PALS1: variants seen among roughly 807,000 people sequenced by gnomAD.
PALS1 encodes the protein protein PALS1.
Under a neutral mutation model 78.9 loss-of-function variants are expected in PALS1, and 31 were observed. The ratio of observed to expected loss-of-function variants is 0.39; its 90% CI spans 0.30 to 0.53. The LOEUF (loss-of-function observed/expected upper bound fraction) is 0.53. Ranked by LOEUF, PALS1 falls within the 20% of genes least tolerant of loss-of-function variation. The pLI, the probability that PALS1 is intolerant of heterozygous loss-of-function variation, is 0.67. For synonymous variants in PALS1, 276 were observed against 270.9 expected, an observed-to-expected ratio of 1.02 and a Z score of -0.18; for missense variants, 704 against 826.5, an observed-to-expected ratio of 0.85 and a Z score of 1.82.
In PALS1 at chr14:67,302,267, A is replaced by G. The variant is rs146119325; in HGVS notation, c.802-143A>G. The stretch of plus-strand genomic sequence containing the variant: ...TGGTCAACTTTTAAATCTAATTACA[A>G]TTACTCTAGTTGTGTAAATAAATTT... On this transcript the variant is annotated intron_variant, in intron 6 of 14. Coordinates refer to ENST00000261681, the MANE Select transcript of PALS1 (RefSeq NM_022474.4). The G allele has an allele frequency of 2.6e-3, 2,836 of 1,085,184 alleles. 25 individuals carry two copies. The highest frequency in any genetic ancestry group is 0.018 in the African/African-American group (1,107 of 60,440). The allele number at this position is 1,085,184 out of a possible 1,614,324, so 67.2% of individuals were successfully genotyped here. A position where few individuals can be genotyped will look rare whatever the true frequency, so the allele number is the denominator to read the frequency against.
intron 13 of PALS1, among the ~76,000 whole-genome samples, chr14:67,321,694 A>G (rs543080770): frequency 1.7e-4 from 26 of 152,144 alleles, no homozygotes; most frequent in Non-Finnish European, 3.4e-4. Context: ...TATTTTGACT[A>G]TGACCCGTCA....
chr14:67,298,825 A>G lies in PALS1; in HGVS notation c.577-2564A>G, dbSNP rs149280790. Among the ~76,000 whole-genome samples the G allele has an allele frequency of 1.2e-4, 19 of 152,300 alleles. No homozygotes were observed. In the East Asian group the frequency reaches 2.1e-3, roughly 17 times the overall value. On this transcript the variant is annotated intron_variant, in intron 4 of 14. Transcript: ENST00000261681. The stretch of plus-strand genomic sequence containing the variant: ...TCTCCCACGGCCCTTTGCGATGACA[A>G]TCACCTCTTTCAATCCTCAGGCCCT...
At position 67,301,438 on chromosome 14, in the gene PALS1, C is replaced by T; in HGVS notation, c.626C>T (p.Thr209Ile). ...PVHHKEGQEL[T>I]ALLNTPHIQA... ...CATCATAAGGAAGGACAAGAACTAA[C>T]TGCTTTGCTGAATACTCCACATATT... The change falls in exon 5 of 15, where the codon ACT (threonine) becomes ATT (isoleucine). Residue 209 changes from threonine to isoleucine, a missense_variant. Thr to Ile is a moderately conservative substitution (Grantham distance 89, BLOSUM62 -1). Coordinates refer to ENST00000261681, the MANE Select transcript of PALS1 (RefSeq NM_022474.4). 1 of 1,610,442 alleles carries T rather than the reference C, an allele frequency of 6.2e-7. No homozygotes were observed.
intron 14 of PALS1, among the ~76,000 whole-genome samples, chr14:67,327,654 A>G (rs61544470): frequency 0.064 from 9,686 of 150,834 alleles, 592 homozygotes; most frequent in African/African-American, 0.16. Context: ...CCCACCCCAC[A>G]ACAGGCCCCA....
chr14:67,253,786 A>G (rs1396660220), intron 1 of PALS1, among the ~76,000 whole-genome samples: 1 of 151,608 alleles, frequency 6.6e-6, no homozygotes, highest in Non-Finnish European at 1.5e-5. Context: ...GGCTGTGGTG[A>G]GCCATGTTTG....
Position 67,302,474 on chromosome 14 carries a change from C to G in PALS1, c.866C>G (p.Ala289Gly). The G allele has an allele frequency of 6.3e-7, 1 of 1,599,234 alleles. No homozygotes were observed. Among genetic ancestry groups the G allele is most frequent in the Non-Finnish European group, 8.5e-7 (1 of 1,172,698 alleles). The change falls in exon 7 of 15, where the codon GCA (alanine) becomes GGA (glycine). Residue 289 changes from alanine to glycine, a missense_variant. Transcript: ENST00000261681. ...AGCCGGATAGTAAAAGGGGGTGCTG[C>G]AGAGAAAAGTGGTCTGTTGCATGAA... Reference protein sequence around the residue: ...IISRIVKGGAAEKSGLLHEGD... With the variant: ...IISRIVKGGAGEKSGLLHEGD...
At chr14:67,242,158 G>T (rs531335368) in intron 1 of PALS1, among the ~76,000 whole-genome samples, 13 of 152,170 alleles carry the variant, frequency 8.5e-5, no homozygotes, top group Non-Finnish European at 1.6e-4. Context: ...TGCTTTAAAC[G>T]ATCTTTGTAG....
chr14:67,317,282 TG>T, intron 10 of PALS1, 125 bp from the exon 11 acceptor site: 1 of 764,386 alleles, frequency 1.3e-6, no homozygotes, highest in Non-Finnish European at 2.1e-6. Flanking sequence ...GGCCAACATA[TG>T]GAGATCTCGT....
At chr14:67,245,485 T>G (rs558979093) in intron 1 of PALS1, among the ~76,000 whole-genome samples, 33 of 152,176 alleles carry the variant, frequency 2.2e-4, no homozygotes, top group Non-Finnish European at 4.6e-4. Flanking sequence ...TGGATTATTG[T>G]CTTATTGCTG....
chr14:67,328,566 G>A (rs1167725362), intron 14 of PALS1, among the ~76,000 whole-genome samples: 1 of 152,272 alleles, frequency 6.6e-6, no homozygotes, highest in Admixed American at 6.5e-5. Flanking sequence ...CCTATGTCCT[G>A]AATGGTATTG....
intron 8 of PALS1, among the ~76,000 whole-genome samples, chr14:67,306,430 T>C (rs2085005301): frequency 6.6e-6 from 1 of 152,098 alleles, no homozygotes; most frequent in Non-Finnish European, 1.5e-5. Flanking sequence ...CTGTAACCTC[T>C]GCCTCCTGTG....
At chr14:67,266,814 A>C (rs1005858358) in intron 1 of PALS1, among the ~76,000 whole-genome samples, 4 of 152,152 alleles carry the variant, frequency 2.6e-5, no homozygotes, top group Admixed American at 6.6e-5. Flanking sequence ...TCTTTTAAAA[A>C]AACTTCGTTT....
intron 3 of PALS1, 148 bp downstream of exon 3, chr14:67,279,685 C>T (rs765692610): frequency 5.8e-5 from 41 of 701,858 alleles, no homozygotes; most frequent in Middle Eastern, 4.2e-4. Flanking sequence ...GTGGAAACGC[C>T]GTATAACTAT....
rs540146376 is a variant in PALS1, at chr14:67,246,901, C to T, written c.-237+5368C>T. Among the ~76,000 whole-genome samples the T allele has an allele frequency of 3.6e-3, 554 of 152,244 alleles. 2 individuals carry two copies. The highest frequency in any genetic ancestry group is 0.02 in the Middle Eastern group (6 of 294). ...TCCTGACCTCGTGATCTGCCTGCCC[C>T]GGCTTCCCAAAGTGCTGGGATTACA... On this transcript the variant is annotated intron_variant, in intron 1 of 14. Transcript: ENST00000261681.
intron 3 of PALS1, among the ~76,000 whole-genome samples, chr14:67,291,780 T>C (rs540793216): frequency 9.9e-5 from 15 of 152,184 alleles, no homozygotes; most frequent in Admixed American, 3.9e-4. Context: ...TCAACTTCCT[T>C]ACTAGTCAAA....
In PALS1 at chr14:67,302,416, A is replaced by G. The variant is rs748162139; in HGVS notation, c.808A>G (p.Thr270Ala). 5.1e-6 allele frequency: 8 copies of G among 1,583,526 alleles called. No individual in the cohort carries two copies. The highest frequency in any genetic ancestry group is 1.4e-5 in the African/African-American group (1 of 73,470). ...EKARDIPLGA[T>A]VRNEMDSVII... ...TACATATATATATTTTTAGGGTGCT[A>G]CAGTTCGTAATGAAATGGACTCTGT... is the stretch of plus-strand genomic sequence containing the variant. The change falls in exon 7 of 15, where the codon ACA becomes GCA. Residue 270 changes from threonine (T) to alanine (A), a missense_variant. Transcript: ENST00000261681.
chr14:67,331,767 T>C (rs539859575), intron 14 of PALS1, among the ~76,000 whole-genome samples: 24 of 152,296 alleles, frequency 1.6e-4, no homozygotes, highest in South Asian at 8.3e-4. Context: ...TACCACAAAG[T>C]TTCAGTTCTC....
intron 3 of PALS1, among the ~76,000 whole-genome samples, chr14:67,284,248 C>T (rs2084642947): frequency 6.6e-6 from 1 of 151,868 alleles, no homozygotes; most frequent in Non-Finnish European, 1.5e-5. Context: ...GTATAATTCA[C>T]ATACCATAAA....
intron 14 of PALS1, among the ~76,000 whole-genome samples, chr14:67,326,153 C>T (rs112577592): frequency 4.1e-5 from 6 of 145,520 alleles, no homozygotes; most frequent in African/African-American, 1.0e-4. Context: ...GGTCTCTGGC[C>T]GTGTTCTAAT....
Sources: gnomAD v4.1 joint callset for allele counts (sites outside exome capture counted in the v4.1 genomes callset) on GRCh38, gnomAD v4.1.1 for gene constraint, MANE v1.5 for transcripts, NCBI Gene and HGNC (gene_info 2026-07-23, HGNC 2026-07-21) for gene names.